Variants in APC2 observed in about 807,000 individuals in gnomAD.
The protein encoded by APC2 is adenomatous polyposis coli protein 2.
APC2 carries 41 observed loss-of-function variants against 72.5 expected under a neutral mutation model. The observed-to-expected ratio is 0.57, with a 90% confidence interval of 0.44 to 0.73. APC2 has a LOEUF of 0.73. APC2 is among the 30% of genes least tolerant of loss of function. The pLI, the probability that APC2 is intolerant of heterozygous loss-of-function variation, is 0.00. For synonymous variants in APC2, 1,898 were observed against 1,612.0 expected, an observed-to-expected ratio of 1.18 and a Z score of -4.25; for missense variants, 3,729 against 3,403.4, an observed-to-expected ratio of 1.10 and a Z score of -2.38.
rs1293610903 is a variant in APC2 at position 1,472,667 on chromosome 19, A to G, written c.*2454A>G. The G allele has an allele frequency of 8.0e-6, 1 of 125,634 alleles. No homozygotes were observed. The highest frequency in any genetic ancestry group is 1.6e-5 in the Non-Finnish European group (1 of 62,080). 7.8% of individuals were successfully genotyped at this position (125,634 alleles called of 1,614,324 possible). Reference sequence around the variant, plus strand: ...GCCGTGGGGGCCACAGCCACACCTCACCGCCCAGTCCAGCTGTCTCCAGAA... The same window carrying G: ...GCCGTGGGGGCCACAGCCACACCTCGCCGCCCAGTCCAGCTGTCTCCAGAA... On this transcript the variant is annotated 3_prime_UTR_variant, in exon 15 of 15. Coordinates refer to ENST00000590469, the MANE Select transcript of APC2 (RefSeq NM_005883.3).
intron 10 of APC2, among the ~76,000 whole-genome samples, chr19:1,458,975 C>T (rs779413722): frequency 7.2e-5 from 11 of 152,150 alleles, no homozygotes; most frequent in Non-Finnish European, 1.2e-4. Context: ...CGAGCCACCA[C>T]GCCCGGCCAC....
chr19:1,455,953 TG>T, intron 6 of APC2, 122 bp from the exon 7 acceptor site: 1 of 354,662 alleles, frequency 2.8e-6, no homozygotes, highest in Non-Finnish European at 4.1e-6. Context: ...GGTCAGGGCC[TG>T]GGGCGGGGTT....
At position 1,461,345 on chromosome 19, in the gene APC2, G is replaced by A. The variant is rs896479702; in HGVS notation, c.1638+192G>A. ...CTTTGAAAGCAAATGTGGGCTGGGC[G>A]CCGTGGCTCACTTGAGGTCAGGAGT... On this transcript the variant is annotated intron_variant, in intron 13 of 14. Coordinates refer to ENST00000590469, the MANE Select transcript of APC2 (RefSeq NM_005883.3). 20 of 608,408 alleles carry A rather than the reference G, an allele frequency of 3.3e-5. No homozygotes were observed. In the East Asian group the frequency reaches 4.2e-4, roughly 13 times the overall value. 37.7% of individuals were successfully genotyped at this position (608,408 alleles called of 1,614,324 possible). A position where few individuals can be genotyped will look rare whatever the true frequency, so the allele number is the denominator to read the frequency against.
At chr19:1,460,097 C>A (rs559481983) in intron 10 of APC2, 84 bp from the exon 11 acceptor site, 2 of 1,574,058 alleles carry the variant, frequency 1.3e-6, no homozygotes. Context: ...ATAGGGAGGG[C>A]CTCTGGGCAA....
chr19:1,461,041 T>C lies in APC2; in HGVS notation c.1526T>C (p.Val509Ala), dbSNP rs563895853. The change falls in exon 13 of 15, where the codon GTG (valine) becomes GCG (alanine). Residue 509 changes from valine (V) to alanine (A), a missense_variant. Transcript: ENST00000590469. ...CTTGCCCCTCACCCCACCCAGGTGG[T>C]GTCCAGCATCCTTCGGAACTTGTCC... ...ASDSEELHQV[V>A]SSILRNLSWR... is the part of the protein sequence containing the mutation. The C allele has an allele frequency of 6.2e-7, 1 of 1,613,898 alleles. No homozygotes were observed. The highest frequency in any genetic ancestry group is 8.5e-7 in the Non-Finnish European group (1 of 1,179,984).
rs777363847 is a variant in APC2, at chr19:1,453,024, A to G, written c.23A>G (p.Tyr8Cys). The G allele has an allele frequency of 1.9e-6, 3 of 1,611,328 alleles. No individual in the cohort carries two copies. The highest frequency in any genetic ancestry group is 1.3e-5 in the African/African-American group (1 of 74,980). MASSVAPYEQLVRQVEAL... is the reference protein window; with the variant it reads MASSVAPCEQLVRQVEAL... ...AAGATGGCGAGCTCCGTGGCGCCCTACGAGCAGCTGGTGAGGCAGGTGGAG... is the reference window on the plus strand; with the variant it reads ...AAGATGGCGAGCTCCGTGGCGCCCTGCGAGCAGCTGGTGAGGCAGGTGGAG... Residue 8 changes from tyrosine (Y) to cysteine (C), a missense_variant, in exon 2 of 15, where the codon TAC becomes TGC. By Grantham distance (194) the Tyr-to-Cys change is radical. Coordinates refer to ENST00000590469, the MANE Select transcript of APC2 (RefSeq NM_005883.3).
rs561835886 is a variant in APC2 at position 1,469,047 on chromosome 19, C to G, written c.5746C>G (p.Leu1916Val). 3 of 1,538,652 alleles carry G rather than the reference C, an allele frequency of 1.9e-6. No individual in the cohort carries two copies. Among genetic ancestry groups the G allele is most frequent in the Admixed American group, 4.0e-5 (2 of 50,500 alleles). Residue 1916 changes from leucine to valine, a missense_variant, in exon 15 of 15, where the codon CTT becomes GTT. Leu to Val is a conservative substitution (Grantham distance 32). Coordinates refer to ENST00000590469, the MANE Select transcript of APC2 (RefSeq NM_005883.3). ...GGTGCCCAAAACGCCGGCGCGCACC[C>G]TTCTGGCGAAGCAGCACAAGACGCA... ...SPVPKTPART[L>V]LAKQHKTQRS... is the part of the protein sequence containing the mutation.
At chr19:1,459,471 C>T (rs1163476396) in intron 10 of APC2, among the ~76,000 whole-genome samples, 3 of 152,204 alleles carry the variant, frequency 2.0e-5, no homozygotes, top group African/African-American at 7.2e-5. Context: ...CTAGCTGCCC[C>T]CCACTCCTGG....
At chr19:1,462,766 C>G (rs1198180144) in intron 14 of APC2, among the ~76,000 whole-genome samples, 2 of 142,622 alleles carry the variant, frequency 1.4e-5, no homozygotes, top group Non-Finnish European at 1.5e-5. Flanking sequence ...GTCAGGAGAT[C>G]GAGACCATCC....
chr19:1,469,464 GCCCCGGCCCGGCAGCGGCCCC>G lies in APC2; in HGVS notation c.6166_6186del (p.Pro2056_Pro2062del). ...CCGAGCGGCACCCCGGCAGGGCCCG[GCCCCGGCCCGGCAGCGGCCCC>G]CCGCGGCCCGACCCAGCCCTGGCGA... On this transcript the variant is annotated inframe_deletion, in exon 15 of 15. Coordinates refer to ENST00000590469, the MANE Select transcript of APC2 (RefSeq NM_005883.3). The G allele has an allele frequency of 1.8e-6, 2 of 1,128,824 alleles. No individual in the cohort carries two copies. The highest frequency in any genetic ancestry group is 7.1e-5 in the South Asian group (2 of 28,310). The allele number at this position is 1,128,824 out of a possible 1,614,324, so 69.9% of individuals were successfully genotyped here. A position where few individuals can be genotyped will look rare whatever the true frequency, so the allele number is the denominator to read the frequency against.
chr19:1,457,417 C>T, intron 9 of APC2, 174 bp downstream of exon 9: 1 of 925,152 alleles, frequency 1.1e-6, no homozygotes, highest in Non-Finnish European at 1.5e-6. Flanking sequence ...AAAAGACCCG[C>T]CCATGATCGT....
At position 1,456,959 on chromosome 19, in the gene APC2, T is replaced by C. The variant is rs1289269447; in HGVS notation, c.923T>C (p.Met308Thr). ...MSSSPESCVA[M>T]RRSGCLPLLL... ...AGCTCGCCCGAGAGCTGCGTGGCCA[T>C]GCGCCGCTCGGGCTGTCTGCCTCTG... The change falls in exon 9 of 15, where the codon ATG (methionine) becomes ACG (threonine). Residue 308 changes from methionine (M) to threonine (T), a missense_variant. Physicochemically the swap from Met to Thr is moderately conservative, Grantham distance 81. Transcript: ENST00000590469. 12 of 1,544,384 alleles carry C rather than the reference T, an allele frequency of 7.8e-6. No individual in the cohort carries two copies. Among genetic ancestry groups the C allele is most frequent in the African/African-American group, 1.4e-5 (1 of 73,056 alleles).
intron 13 of APC2, 133 bp downstream of exon 13, chr19:1,461,286 A>G: frequency 1.3e-6 from 1 of 780,510 alleles, no homozygotes; most frequent in African/African-American, 1.7e-5. Context: ...GTCCAGCCTC[A>G]GACCGGCTGG....
intron 7 of APC2, 63 bp from the exon 8 acceptor site, chr19:1,456,243 A>T: frequency 6.4e-7 from 1 of 1,561,444 alleles, no homozygotes; most frequent in South Asian, 1.2e-5. Flanking sequence ...CGCCCACATC[A>T]TCACGGGTGA....
chr19:1,455,690 C>T (rs1016066203), intron 6 of APC2, among the ~76,000 whole-genome samples, 190 bp downstream of exon 6: 3 of 151,462 alleles, frequency 2.0e-5, no homozygotes, highest in African/African-American at 7.3e-5. Flanking sequence ...AGTCAGGAGG[C>T]TCAGAGCCTG....
At position 1,465,739 on chromosome 19, in the gene APC2, G is replaced by A. The variant is rs2083998536; in HGVS notation, c.2438G>A (p.Gly813Glu). 2 of 1,542,842 alleles carry A rather than the reference G, an allele frequency of 1.3e-6. No homozygotes were observed. The highest frequency in any genetic ancestry group is 2.0e-5 in the Admixed American group (1 of 51,194). Residue 813 changes from glycine (G) to glutamate (E), a missense_variant, in exon 15 of 15, where the codon GGG (glycine) becomes GAG (glutamate). By Grantham distance (98) the Gly-to-Glu change is moderately conservative. Coordinates refer to ENST00000590469, the MANE Select transcript of APC2 (RefSeq NM_005883.3). The part of the protein sequence containing the change: ...SLFLGSPFLQ[G>E]QALARTPPTR... ...TTCCTGGGCAGCCCCTTCCTGCAGG[G>A]GCAGGCGCTGGCTCGCACCCCGCCC...
In APC2 at chr19:1,452,893, G is replaced by A; in HGVS notation, c.-18-91G>A. On this transcript the variant is annotated intron_variant, in intron 1 of 14. Coordinates refer to ENST00000590469, the MANE Select transcript of APC2 (RefSeq NM_005883.3). This position sits in a 1 kb window ranked among gnomAD's most constrained non-coding sequence, Gnocchi z 5.1. ...CCCCAACCCAGGATCAGGCAGGACG[G>A]CTGGGGCTTAGGTCAGGGGCCGTCT... 1 of 1,451,120 alleles carries A rather than the reference G, an allele frequency of 6.9e-7. No individual in the cohort carries two copies. Among genetic ancestry groups the A allele is most frequent in the Non-Finnish European group, 9.2e-7 (1 of 1,083,118 alleles). The allele number at this position is 1,451,120 out of a possible 1,614,324, so 89.9% of individuals were successfully genotyped here.
rs774412248 is a variant in APC2, at chr19:1,467,817, G to C, written c.4516G>C (p.Val1506Leu). ...CCTCACGACGCCCACTGAGGAGGCC[G>C]TGTACTGCTTCTACGGCAACGACTC... The part of the protein sequence containing the change: ...LCLTTPTEEA[V>L]YCFYGNDSDE... Residue 1506 changes from valine to leucine, a missense_variant, in exon 15 of 15, where the codon GTG (valine) becomes CTG (leucine). By Grantham distance (32) the Val-to-Leu change is conservative. Transcript: ENST00000590469. 2 of 1,505,226 alleles carry C rather than the reference G, an allele frequency of 1.3e-6. No homozygotes were observed. Among genetic ancestry groups the C allele is most frequent in the Non-Finnish European group, 1.8e-6 (2 of 1,133,808 alleles). The allele number at this position is 1,505,226 out of a possible 1,614,324, so 93.2% of individuals were successfully genotyped here.
chr19:1,455,342 C>T (rs1266853777), intron 5 of APC2, 42 bp from the exon 6 acceptor site: 2 of 1,597,308 alleles, frequency 1.3e-6, no homozygotes, highest in Admixed American at 1.7e-5. Context: ...GGGGCCTGGC[C>T]CGGGCGCCCC....
Sources: allele counts gnomAD v4.1 joint callset (sites outside exome capture counted in the v4.1 genomes callset), GRCh38; gene constraint gnomAD v4.1.1; non-coding constraint Gnocchi (gnomAD v3.1); transcripts MANE v1.5; gene names NCBI Gene and HGNC (gene_info 2026-07-23, HGNC 2026-07-21).